Variants in ST7 observed in about 807,000 individuals in gnomAD.
The protein encoded by ST7 is suppression of tumorigenicity 7, also known as suppressor of tumorigenicity 7 protein.
A neutral mutation model predicts 78.7 loss-of-function variants in ST7; 28 were observed. That is an observed-to-expected ratio of 0.36 (90% CI 0.26 to 0.49). The LOEUF (loss-of-function observed/expected upper bound fraction) is 0.49, where lower values mean the gene tolerates loss of function less well. Among genes scored for constraint, ST7 ranks in the 20% least tolerant of loss-of-function variants. The pLI, the probability that ST7 is intolerant of heterozygous loss-of-function variation, is 0.99. For missense variants in ST7, 418 were observed against 696.0 expected (o/e 0.60, Z 4.49); for synonymous variants, 247 against 249.6 (o/e 0.99, Z 0.10).
At chr7:116,958,711 C>G (rs866172567) in intron 1 of ST7, 3 of 470,872 alleles carry the variant, frequency 6.4e-6, no homozygotes, top group Middle Eastern at 3.3e-4. Context: ...TTTTTGGTTT[C>G]CCAGTGCATA....
chr7:117,073,168 A>G (rs1799095469), intron 1 of ST7: 1 of 152,228 alleles, frequency 6.6e-6, no homozygotes, highest in African/African-American at 2.4e-5. Flanking sequence ...TAAAATCAGT[A>G]ATAACAACTG....
Position 117,091,860 on chromosome 7 carries a change from G to C in ST7, c.152-7902G>C, listed in dbSNP as rs138992182. Among the ~76,000 whole-genome samples the C allele has an allele frequency of 6.3e-3, 957 of 152,238 alleles. 6 individuals are homozygous for C. The highest frequency in any genetic ancestry group is 0.01 in the Non-Finnish European group (688 of 68,022). On this transcript the variant is annotated intron_variant, in intron 1 of 15. Transcript: ENST00000323984. ...CTCACAAGGCTATAATCAAGGTGTT[G>C]ACCAGGCTGCTATCTCAATTGCAAG...
intron 15 of ST7, among the ~76,000 whole-genome samples, chr7:117,228,759 C>T (rs1014533706): frequency 9.8e-4 from 150 of 152,330 alleles, no homozygotes; most frequent in African/African-American, 3.5e-3. Context: ...TATACACACA[C>T]ACTGCACTAC....
chr7:117,088,929 A>C (rs1445990557), intron 1 of ST7, among the ~76,000 whole-genome samples: 1 of 152,230 alleles, frequency 6.6e-6, no homozygotes, highest in Non-Finnish European at 1.5e-5. Context: ...AGCACCAAGC[A>C]CTAAGTAAGA....
At chr7:116,981,609 G>C (rs1279597964) in intron 1 of ST7, among the ~76,000 whole-genome samples, 1 of 152,158 alleles carries the variant, frequency 6.6e-6, no homozygotes, top group Admixed American at 6.5e-5. Flanking sequence ...TAGATAACAA[G>C]CATTTTTGTG....
intron 14 of ST7, among the ~76,000 whole-genome samples, chr7:117,220,745 A>G (rs577426108): frequency 3.4e-4 from 52 of 152,318 alleles, no homozygotes; most frequent in African/African-American, 1.2e-3. Context: ...CATAATTTGC[A>G]CATTAAAAGT....
At chr7:117,109,456 A>G (rs192446207) in intron 2 of ST7, among the ~76,000 whole-genome samples, 11 of 152,182 alleles carry the variant, frequency 7.2e-5, no homozygotes, top group African/African-American at 2.7e-4. Flanking sequence ...ATAAACTAGA[A>G]AACCTAGAAG....
At chr7:117,121,133 A>C (rs999354324) in intron 3 of ST7, among the ~76,000 whole-genome samples, 1 of 152,254 alleles carries the variant, frequency 6.6e-6, no homozygotes, top group African/African-American at 2.4e-5. Flanking sequence ...GAGCACAATT[A>C]ATCTGTGGGA....
chr7:117,015,039 C>G, intron 1 of ST7: 1 of 1,142,380 alleles, frequency 8.8e-7, no homozygotes, highest in Non-Finnish European at 1.2e-6. Flanking sequence ...TAAATATTTT[C>G]CAGTTATGTA....
At chr7:116,964,778 A>G (rs1429809864) in intron 1 of ST7, among the ~76,000 whole-genome samples, 2 of 152,216 alleles carry the variant, frequency 1.3e-5, no homozygotes, top group African/African-American at 2.4e-5. Context: ...CAATTTTGAA[A>G]TATTAGAAAT....
intron 13 of ST7, among the ~76,000 whole-genome samples, chr7:117,211,319 G>A (rs757819908): frequency 6.6e-6 from 1 of 152,140 alleles, no homozygotes; most frequent in Admixed American, 6.5e-5. Flanking sequence ...TATTTAAATG[G>A]GTTAAGACAC....
At chr7:117,198,171 A>C in intron 12 of ST7, 1 of 302,800 alleles carries the variant, frequency 3.3e-6, no homozygotes, top group Non-Finnish European at 6.7e-6. Flanking sequence ...TCTTGTTTTG[A>C]TAAAATGAGG....
intron 1 of ST7, among the ~76,000 whole-genome samples, chr7:117,094,202 A>G (rs1246251903): frequency 6.6e-6 from 1 of 152,168 alleles, no homozygotes; most frequent in Non-Finnish European, 1.5e-5. Context: ...AATTTCACAT[A>G]TCTAATTCCC....
intron 1 of ST7, chr7:116,956,503 G>T (rs1362055911): frequency 2.1e-6 from 1 of 471,078 alleles, no homozygotes; most frequent in African/African-American, 2.0e-5. Flanking sequence ...CTTTTAGGGA[G>T]TTGCAGATGG....
intron 1 of ST7, among the ~76,000 whole-genome samples, chr7:116,970,184 C>A (rs563705954): frequency 6.6e-6 from 1 of 152,202 alleles, no homozygotes; most frequent in Admixed American, 6.5e-5. Flanking sequence ...AGGCTGCTGA[C>A]GTGGAGAGGG....
At chr7:116,960,958 A>G (rs559822291) in intron 1 of ST7, among the ~76,000 whole-genome samples, 3 of 152,286 alleles carry the variant, frequency 2.0e-5, no homozygotes, top group Admixed American at 6.5e-5. Context: ...TTGGTTTTAC[A>G]TTTAAGTCTC....
intron 1 of ST7, chr7:116,965,984 CT>C (rs967503069): frequency 2.7e-6 from 1 of 369,292 alleles, no homozygotes; most frequent in African/African-American, 2.1e-5. Flanking sequence ...AGATTTTCCC[CT>C]ATCATGTCTT....
At chr7:117,087,513 C>T (rs1428811477) in intron 1 of ST7, among the ~76,000 whole-genome samples, 1 of 151,994 alleles carries the variant, frequency 6.6e-6, no homozygotes, top group African/African-American at 2.4e-5. Flanking sequence ...AAGAATGAAC[C>T]AGTATTATAC....
At chr7:116,974,297 T>C (rs377387301) in intron 1 of ST7, among the ~76,000 whole-genome samples, 126 of 151,990 alleles carry the variant, frequency 8.3e-4, no homozygotes, top group Non-Finnish European at 1.3e-3. Flanking sequence ...CTTTTCTTTT[T>C]TTTTTTTTGA....
Sources: allele counts gnomAD v4.1 joint callset (sites outside exome capture counted in the v4.1 genomes callset), GRCh38; gene constraint gnomAD v4.1.1; transcripts MANE v1.5; gene names NCBI Gene and HGNC (gene_info 2026-07-23, HGNC 2026-07-21).